CNN3: variants seen among roughly 807,000 people sequenced by gnomAD.
The protein encoded by CNN3 is calponin-3.
Under a neutral mutation model 39.0 loss-of-function variants are expected in CNN3, and 11 were observed. The observed-to-expected ratio is 0.28, with a 90% CI of 0.18 to 0.47. The LOEUF (loss-of-function observed/expected upper bound fraction) is 0.47, where lower values mean the gene tolerates loss of function less well. Among genes scored for constraint, CNN3 ranks in the 20% least tolerant of loss-of-function variants. The pLI is 0.99. For synonymous variants in CNN3, 101 were observed against 138.3 expected (o/e 0.73, Z 1.89); for missense variants, 266 against 403.4 (o/e 0.66, Z 2.92).
At chr1:94,912,096 A>C (rs1011546609) in intron 1 of CNN3, among the ~76,000 whole-genome samples, 1 of 152,274 alleles carries the variant, frequency 6.6e-6, no homozygotes, top group East Asian at 1.9e-4. Flanking sequence ...ATATGATTAA[A>C]GAGGAGCTGG....
intron 5 of CNN3, among the ~76,000 whole-genome samples, chr1:94,900,886 A>C (rs1281943161): frequency 1.3e-5 from 2 of 152,214 alleles, no homozygotes; most frequent in Non-Finnish European, 2.9e-5. Flanking sequence ...AAGGTCGTGT[A>C]AAATTGCCTA....
intron 1 of CNN3, among the ~76,000 whole-genome samples, chr1:94,904,112 T>A (rs1052756230): frequency 1.3e-5 from 2 of 152,212 alleles, no homozygotes; most frequent in African/African-American, 4.8e-5. Flanking sequence ...CCTATTAGAC[T>A]TCTTACAGGC....
At chr1:94,902,990 G>A (rs1451519991) in intron 3 of CNN3, 132 bp downstream of exon 3, 4 of 596,790 alleles carry the variant, frequency 6.7e-6, no homozygotes, top group African/African-American at 3.9e-5. Flanking sequence ...CTGCTACAAT[G>A]TCTATGTAAA....
In CNN3 at chr1:94,917,016, T is replaced by C. The variant is rs150587286; in HGVS notation, c.57+9822A>G. ...GATAAGATATCATTTTAAAGCTACC[T>C]AAAGCTTCCTGGATTTTTTGTTTGT... On this transcript the variant is annotated intron_variant, in intron 1 of 6. Transcript: ENST00000370206. 2.4e-3 allele frequency among the ~76,000 whole-genome samples: 362 copies of C among 152,304 alleles called. 1 individual carries two copies. Among genetic ancestry groups the C allele is most frequent in the Non-Finnish European group, 4.2e-3 (287 of 68,010 alleles).
At chr1:94,915,568 C>A (rs1276842014) in intron 1 of CNN3, among the ~76,000 whole-genome samples, 2 of 152,216 alleles carry the variant, frequency 1.3e-5, no homozygotes, top group Admixed American at 1.3e-4. Flanking sequence ...AGCATTACAT[C>A]TTCCATCAGA....
intron 1 of CNN3, among the ~76,000 whole-genome samples, chr1:94,916,242 G>A (rs533045614): frequency 2.3e-4 from 35 of 151,958 alleles, no homozygotes; most frequent in Non-Finnish European, 4.1e-4. Flanking sequence ...CTGTCTCTAC[G>A]AAAAATACAA....
intron 1 of CNN3, among the ~76,000 whole-genome samples, chr1:94,921,103 A>G (rs548191447): frequency 2.0e-5 from 3 of 152,334 alleles, no homozygotes; most frequent in African/African-American, 7.2e-5. Context: ...ACTGAGAAAG[A>G]AAATGCAGGG....
chr1:94,917,185 C>A (rs977705068), intron 1 of CNN3, among the ~76,000 whole-genome samples: 1 of 152,118 alleles, frequency 6.6e-6, no homozygotes, highest in African/African-American at 2.4e-5. Context: ...TACAGGCATG[C>A]GCCACCATGC....
intron 1 of CNN3, among the ~76,000 whole-genome samples, chr1:94,905,004 T>A (rs1014735499): frequency 6.6e-6 from 1 of 151,932 alleles, no homozygotes. Context: ...CACAAAGAAG[T>A]CCCACAAGTT....
In CNN3 at chr1:94,919,379, TA is replaced by T. The variant is rs1322704020; in HGVS notation, c.57+7458del. Among the ~76,000 whole-genome samples, 2 of 152,178 alleles carry T rather than the reference TA, an allele frequency of 1.3e-5. 1 individual carries two copies. The highest frequency in any genetic ancestry group is 2.9e-5 in the Non-Finnish European group (2 of 68,026). The stretch of plus-strand genomic sequence containing the variant: ...TTTCTACACTCAATTAGAAGCAGAA[TA>T]TGATTGCTGTTGCTATTTTTGCATT... On this transcript the variant is annotated intron_variant, in intron 1 of 6. Coordinates refer to ENST00000370206, the MANE Select transcript of CNN3 (RefSeq NM_001839.5).
At chr1:94,908,975 TC>T (rs1171869164) in intron 1 of CNN3, among the ~76,000 whole-genome samples, 2 of 73,448 alleles carry the variant, frequency 2.7e-5, no homozygotes, top group African/African-American at 5.9e-5. Context: ...GGAGCCCGTC[TC>T]TTTAAAAAAA....
chr1:94,907,115 A>G (rs1217997440), intron 1 of CNN3, among the ~76,000 whole-genome samples: 2 of 152,182 alleles, frequency 1.3e-5, no homozygotes, highest in Non-Finnish European at 2.9e-5. Context: ...GCTGTCCTTG[A>G]GACTTACCAT....
chr1:94,907,628 A>C (rs1257716755), intron 1 of CNN3, among the ~76,000 whole-genome samples: 2 of 152,220 alleles, frequency 1.3e-5, no homozygotes, highest in Non-Finnish European at 2.9e-5. Context: ...TGGGAGGCCA[A>C]GGTGGGCAGA....
intron 5 of CNN3, among the ~76,000 whole-genome samples, chr1:94,901,210 C>T (rs556729229): frequency 1.3e-4 from 19 of 151,946 alleles, no homozygotes; most frequent in South Asian, 4.2e-4. Context: ...AAAACTTAGC[C>T]GGGCATGGTG....
In CNN3 at chr1:94,897,021, CA is replaced by C. The variant is rs1405860998; in HGVS notation, c.*720del. 1.3e-5 allele frequency: 2 copies of C among 152,602 alleles called. No homozygotes were observed. The highest frequency in any genetic ancestry group is 2.9e-5 in the Non-Finnish European group (2 of 68,006). The allele number at this position is 152,602 out of a possible 1,614,324, so 9.5% of individuals were successfully genotyped here. ...TGGGATAAGTTTATGCTGAGAAATG[CA>C]GCAATAAATACAGTTGAAGAAAACA... On this transcript the variant is annotated 3_prime_UTR_variant, in exon 7 of 7. Transcript: ENST00000370206.
intron 1 of CNN3, among the ~76,000 whole-genome samples, chr1:94,916,477 T>C (rs756076598): frequency 1.3e-5 from 2 of 152,228 alleles, no homozygotes; most frequent in East Asian, 3.9e-4. Flanking sequence ...AGTAGCCAAA[T>C]CCAGTGGCCT....
In CNN3 at chr1:94,920,398, T is replaced by C. The variant is rs573398536; in HGVS notation, c.57+6440A>G. 3.3e-3 allele frequency among the ~76,000 whole-genome samples: 502 copies of C among 152,252 alleles called. 1 individual carries two copies. Among genetic ancestry groups the C allele is most frequent in the Non-Finnish European group, 5.9e-3 (399 of 68,008 alleles). Reference sequence around the variant, plus strand: ...CAGATTCGTGAATGAATATTAAAGTTCTAGAGATAATATCAACATCCAGAA... The same window carrying C: ...CAGATTCGTGAATGAATATTAAAGTCCTAGAGATAATATCAACATCCAGAA... On this transcript the variant is annotated intron_variant, in intron 1 of 6. Coordinates refer to ENST00000370206, the MANE Select transcript of CNN3 (RefSeq NM_001839.5).
At chr1:94,898,919 A>G (rs72962454) in intron 6 of CNN3, among the ~76,000 whole-genome samples, 1,530 of 152,186 alleles carry the variant, frequency 0.01, 17 homozygotes, top group African/African-American at 0.035. Context: ...AAATATTTCT[A>G]TCTTGGATGT....
rs1185034770 is a variant in CNN3, at chr1:94,897,373, A to T, written c.*369T>A. The T allele has an allele frequency of 1.7e-4, 2 of 11,818 alleles. No individual in the cohort carries two copies. The highest frequency in any genetic ancestry group is 5.3e-3 in the South Asian group (1 of 190). 0.7% of individuals were successfully genotyped at this position (11,818 alleles called of 1,614,324 possible). A position where few individuals can be genotyped will look rare whatever the true frequency, so the allele number is the denominator to read the frequency against. ...TAGAAACCAGATACACTAAACTGTAAAAAAAAAAAAAAAAAAAAAAAGTTT... is the reference window on the plus strand; with the variant it reads ...TAGAAACCAGATACACTAAACTGTATAAAAAAAAAAAAAAAAAAAAAGTTT... On this transcript the variant is annotated 3_prime_UTR_variant, in exon 7 of 7. Coordinates refer to ENST00000370206, the MANE Select transcript of CNN3 (RefSeq NM_001839.5).
Sources: gnomAD v4.1 joint callset for allele counts (sites outside exome capture counted in the v4.1 genomes callset) on GRCh38, gnomAD v4.1.1 for gene constraint, MANE v1.5 for transcripts, NCBI Gene and HGNC (gene_info 2026-07-23, HGNC 2026-07-21) for gene names.